SDHAF3: variants seen among roughly 807,000 people sequenced by gnomAD.
SDHAF3 encodes the protein succinate dehydrogenase complex assembly factor 3.
Under a neutral mutation model 11.5 loss-of-function variants are expected in SDHAF3, and 18 were observed. That is an observed-to-expected ratio of 1.56 (90% CI 1.08 to 2.32). The LOEUF is 2.32. SDHAF3 is among the 30% of genes most tolerant of loss of function. The pLI is 0.00. For missense variants in SDHAF3, 200 were observed against 154.4 expected (o/e 1.30, Z -1.57); for synonymous variants, 72 against 59.3 (o/e 1.21, Z -0.99).
chr7:97,181,097 A>C lies in SDHAF3; in HGVS notation c.260A>C (p.Glu87Ala), dbSNP rs1562833970. The C allele has an allele frequency of 6.2e-7, 1 of 1,613,954 alleles. No individual in the cohort carries two copies. The highest frequency in any genetic ancestry group is 2.2e-5 in the East Asian group (1 of 44,868). Reference protein sequence around the residue: ...GKACFGTFLPEEKLNDFRDEQ... With the variant: ...GKACFGTFLPAEKLNDFRDEQ... Reference sequence around the variant, plus strand: ...GCATGTTTTGGCACCTTCCTCCCAGAAGAAAAACTTAATGACTTTCGTGAT... The same window carrying C: ...GCATGTTTTGGCACCTTCCTCCCAGCAGAAAAACTTAATGACTTTCGTGAT... Residue 87 changes from glutamate to alanine, a missense_variant, in exon 2 of 2, where the codon GAA becomes GCA. Transcript: ENST00000432641.
intron 1 of SDHAF3, among the ~76,000 whole-genome samples, chr7:97,145,667 C>T (rs1421298148): frequency 2.0e-5 from 3 of 152,044 alleles, no homozygotes; most frequent in Non-Finnish European, 2.9e-5. Flanking sequence ...TTTGTGTTAC[C>T]TAGAATTTTG....
Position 97,117,794 on chromosome 7 carries a change from C to A in SDHAF3, c.71C>A (p.Pro24His), listed in dbSNP as rs748068046. 1.2e-6 allele frequency: 2 copies of A among 1,614,182 alleles called. No individual in the cohort carries two copies. Among genetic ancestry groups the A allele is most frequent in the South Asian group, 2.2e-5 (2 of 91,088 alleles). The change falls in exon 1 of 2, where the codon CCC becomes CAC. Residue 24 changes from proline to histidine, a missense_variant. By Grantham distance (77) the Pro-to-His change is moderately conservative. Transcript: ENST00000432641. ...GTCTTGCAGCTGCACCGTGTTCTGCCCCCGGACCTCAAATCCCTGGGCGAC... is the reference window on the plus strand; with the variant it reads ...GTCTTGCAGCTGCACCGTGTTCTGCACCCGGACCTCAAATCCCTGGGCGAC... ...KRVLQLHRVL[P>H]PDLKSLGDQY...
At chr7:97,118,261 G>A (rs925993218) in intron 1 of SDHAF3, among the ~76,000 whole-genome samples, 2 of 152,010 alleles carry the variant, frequency 1.3e-5, no homozygotes, top group Non-Finnish European at 2.9e-5. Context: ...ATAAATTAAT[G>A]GTTCTCTTAT....
intron 1 of SDHAF3, among the ~76,000 whole-genome samples, chr7:97,168,469 T>TC (rs1221808772): frequency 6.6e-6 from 1 of 152,232 alleles, no homozygotes; most frequent in Non-Finnish European, 1.5e-5. Context: ...CAAAGTTAAT[T>TC]CAACCTGTGC....
At chr7:97,123,788 C>CT (rs201123819) in intron 1 of SDHAF3, among the ~76,000 whole-genome samples, 37,398 of 137,398 alleles carry the variant, frequency 0.27, 5,289 homozygotes, top group Middle Eastern at 0.35. Context: ...GCATAAATGT[C>CT]TTTTTTTTTT....
intron 1 of SDHAF3, among the ~76,000 whole-genome samples, chr7:97,150,714 C>T (rs1346963960): frequency 3.9e-5 from 6 of 151,924 alleles, no homozygotes; most frequent in African/African-American, 1.5e-4. Context: ...CAGGCGCCCA[C>T]CACCACACCC....
chr7:97,119,735 G>T (rs1584204831), intron 1 of SDHAF3, among the ~76,000 whole-genome samples: 1 of 152,248 alleles, frequency 6.6e-6, no homozygotes, highest in South Asian at 2.1e-4. Flanking sequence ...TGTGACAGTT[G>T]CTCCGTCTTC....
intron 1 of SDHAF3, among the ~76,000 whole-genome samples, chr7:97,171,734 A>G (rs777643013): frequency 6.6e-6 from 1 of 152,050 alleles, no homozygotes; most frequent in Non-Finnish European, 1.5e-5. Context: ...TGAGGCAACT[A>G]ATTATCTTTA....
intron 1 of SDHAF3, among the ~76,000 whole-genome samples, chr7:97,120,313 T>TAA (rs1400933419): frequency 2.0e-5 from 3 of 152,274 alleles, no homozygotes; most frequent in African/African-American, 7.2e-5. Flanking sequence ...CAAGGCAGCT[T>TAA]AATCTAAGCC....
At chr7:97,173,677 C>T (rs1055112972) in intron 1 of SDHAF3, among the ~76,000 whole-genome samples, 3 of 149,930 alleles carry the variant, frequency 2.0e-5, no homozygotes, top group Non-Finnish European at 3.0e-5. Flanking sequence ...CTCAGCCTCC[C>T]GAATAGCTGG....
At chr7:97,159,829 C>T (rs899759177) in intron 1 of SDHAF3, among the ~76,000 whole-genome samples, 16 of 152,088 alleles carry the variant, frequency 1.1e-4, no homozygotes, top group South Asian at 8.3e-4. Flanking sequence ...CCATTAGTTT[C>T]GGGAGTTTCG....
intron 1 of SDHAF3, among the ~76,000 whole-genome samples, chr7:97,154,235 A>G (rs986898549): frequency 8.5e-5 from 13 of 152,112 alleles, no homozygotes; most frequent in African/African-American, 3.1e-4. Context: ...TTGATGAGTT[A>G]GAGTGGGGCA....
At chr7:97,177,785 C>A (rs1789703394) in intron 1 of SDHAF3, among the ~76,000 whole-genome samples, 1 of 152,072 alleles carries the variant, frequency 6.6e-6, no homozygotes, top group Non-Finnish European at 1.5e-5. Context: ...TCTTATAATT[C>A]CTCATTCTCT....
chr7:97,129,951 C>T (rs542867126), intron 1 of SDHAF3, among the ~76,000 whole-genome samples: 17 of 152,236 alleles, frequency 1.1e-4, no homozygotes, highest in Admixed American at 5.9e-4. Flanking sequence ...GCACTGGCTT[C>T]GTGCGAGGCT....
intron 1 of SDHAF3, among the ~76,000 whole-genome samples, chr7:97,127,836 G>A (rs970110532): frequency 2.6e-5 from 4 of 151,134 alleles, no homozygotes; most frequent in South Asian, 2.1e-4. Context: ...ACTCATTGTC[G>A]GTGTTTTTGT....
At chr7:97,180,019 T>C (rs73233843) in intron 1 of SDHAF3, among the ~76,000 whole-genome samples, 2 of 152,156 alleles carry the variant, frequency 1.3e-5, no homozygotes, top group African/African-American at 4.8e-5. Flanking sequence ...TTTGGCACTT[T>C]GTCTGCTTAA....
chr7:97,132,637 C>G (rs1791687913), intron 1 of SDHAF3, among the ~76,000 whole-genome samples: 3 of 152,104 alleles, frequency 2.0e-5, no homozygotes, highest in Admixed American at 2.0e-4. Flanking sequence ...TAATTTTTTA[C>G]CTTTTTCCCC....
At chr7:97,174,077 A>G (rs1789645618) in intron 1 of SDHAF3, among the ~76,000 whole-genome samples, 3 of 151,516 alleles carry the variant, frequency 2.0e-5, no homozygotes, top group Non-Finnish European at 4.4e-5. Context: ...ATGCCACCAC[A>G]CTGGCTAAGT....
At chr7:97,142,564 T>C (rs1030677805) in intron 1 of SDHAF3, 3 of 152,222 alleles carry the variant, frequency 2.0e-5, no homozygotes, top group African/African-American at 7.2e-5. Flanking sequence ...ATTTGGCTAT[T>C]AATAAGCTTT....
Sources: allele counts gnomAD v4.1 joint callset (sites outside exome capture counted in the v4.1 genomes callset), GRCh38; gene constraint gnomAD v4.1.1; transcripts MANE v1.5; gene names NCBI Gene and HGNC (gene_info 2026-07-23, HGNC 2026-07-21).